The following AMOTL1 variants were observed in gnomAD, a reference collection of about 807,000 sequenced individuals.
AMOTL1 encodes the protein angiomotin like 1.
A neutral mutation model predicts 102.9 loss-of-function variants in AMOTL1; 45 were observed. The ratio of observed to expected loss-of-function variants is 0.44; its 90% CI spans 0.34 to 0.56. The LOEUF is 0.56. Ranked by LOEUF, AMOTL1 falls within the 20% of genes least tolerant of loss-of-function variation. The pLI is 0.01. For synonymous variants in AMOTL1, 481 were observed against 484.7 expected, an observed-to-expected ratio of 0.99 and a Z score of 0.10; for missense variants, 1,114 against 1,225.6, an observed-to-expected ratio of 0.91 and a Z score of 1.36.
intron 1 of AMOTL1, among the ~76,000 whole-genome samples, chr11:94,709,605 C>T (rs1949988637): frequency 6.6e-6 from 1 of 152,108 alleles, no homozygotes; most frequent in Non-Finnish European, 1.5e-5. Flanking sequence ...CCAACCAGTC[C>T]TCAGATTTTC....
At position 94,861,328 on chromosome 11, in the gene AMOTL1, G is replaced by GT. The variant is rs199614155; in HGVS notation, c.2135+1622dup. ...GGTTGATTTTTACATAATTGAAATGGTTTTTTTTTCAGCTTTTTGTTTTCT... is the reference window on the plus strand; with the variant it reads ...GGTTGATTTTTACATAATTGAAATGGTTTTTTTTTTCAGCTTTTTGTTTTCT... On this transcript the variant is annotated intron_variant, in intron 9 of 12. Coordinates refer to ENST00000433060, the MANE Select transcript of AMOTL1 (RefSeq NM_130847.3). Among the ~76,000 whole-genome samples, 422 of 150,842 alleles carry GT rather than the reference G, an allele frequency of 2.8e-3. 4 individuals are homozygous for GT. Among genetic ancestry groups the GT allele is most frequent in the African/African-American group, 7.1e-3 (290 of 41,036 alleles).
intron 8 of AMOTL1, among the ~76,000 whole-genome samples, chr11:94,858,975 C>T (rs1303527055): frequency 6.6e-6 from 1 of 152,146 alleles, no homozygotes; most frequent in Non-Finnish European, 1.5e-5. Flanking sequence ...ATTCTCAGGC[C>T]TCTGAGTGGG....
At chr11:94,754,299 G>A (rs1056335896) in intron 3 of AMOTL1, among the ~76,000 whole-genome samples, 3 of 152,148 alleles carry the variant, frequency 2.0e-5, no homozygotes, top group Non-Finnish European at 4.4e-5. Flanking sequence ...TGACCCGAAC[G>A]GCATCATGTA....
intron 2 of AMOTL1, chr11:94,740,091 T>C (rs779238847): frequency 1.6e-4 from 24 of 152,198 alleles, no homozygotes; most frequent in Admixed American, 1.5e-3. Flanking sequence ...ACCTGTGCAA[T>C]GCAGCTCATA....
At chr11:94,767,505 C>T (rs1391765340), upstream of AMOTL1, among the ~76,000 whole-genome samples, 3 of 152,048 alleles carry the variant, frequency 2.0e-5, no homozygotes, top group Non-Finnish European at 4.4e-5. Context: ...GCTTGGTGTG[C>T]GCTAACTCTC....
chr11:94,775,818 T>C (rs993930382), intron 1 of AMOTL1, among the ~76,000 whole-genome samples: 9 of 152,338 alleles, frequency 5.9e-5, no homozygotes, highest in Middle Eastern at 3.4e-3. Context: ...CTTGGAGGGC[T>C]GGTATGAACT....
chr11:94,722,312 T>G (rs1950186520), intron 1 of AMOTL1, among the ~76,000 whole-genome samples: 1 of 152,180 alleles, frequency 6.6e-6, no homozygotes, highest in African/African-American at 2.4e-5. Flanking sequence ...CACATTTTAT[T>G]CTGTTTCTCC....
chr11:94,720,278 T>C (rs903036755), intron 1 of AMOTL1, among the ~76,000 whole-genome samples: 1 of 152,016 alleles, frequency 6.6e-6, no homozygotes, highest in African/African-American at 2.4e-5. Flanking sequence ...TCCCTCAGCA[T>C]ATAAAGGATT....
At chr11:94,862,407 C>T (rs550545089) in intron 9 of AMOTL1, among the ~76,000 whole-genome samples, 32 of 152,248 alleles carry the variant, frequency 2.1e-4, no homozygotes, top group Admixed American at 1.9e-3. Context: ...ATGACTATTT[C>T]CAGCCATTAG....
rs1027323899 is a variant in AMOTL1 at position 94,735,457 on chromosome 11, G to A, written c.86-5481G>A. On this transcript the variant is annotated intron_variant, in intron 2 of 4. Coordinates refer to the AMOTL1 transcript ENST00000299004. ...ATTGAGTTTTCCAGATAACTGAAGC[G>A]TTATGTGTTACCCTTTAAACACTTA... 1.3e-5 allele frequency among the ~76,000 whole-genome samples: 2 copies of A among 152,170 alleles called. 1 individual carries two copies. Among genetic ancestry groups the A allele is most frequent in the Non-Finnish European group, 2.9e-5 (2 of 68,030 alleles).
intron 3 of AMOTL1, among the ~76,000 whole-genome samples, chr11:94,814,111 A>G (rs1951726929): frequency 6.6e-6 from 1 of 152,156 alleles, no homozygotes; most frequent in African/African-American, 2.4e-5. Context: ...GAAGTCACTT[A>G]TGGTCAATGG....
Position 94,795,116 on chromosome 11 carries a change from C to G in AMOTL1, c.155C>G (p.Ser52Cys). The G allele has an allele frequency of 6.2e-7, 1 of 1,613,954 alleles. No individual in the cohort carries two copies. Among genetic ancestry groups the G allele is most frequent in the Non-Finnish European group, 8.5e-7 (1 of 1,179,870 alleles). ...CTCTATTCTGGGAGGCATGAAACAT[C>G]TGCTTTGACGGTGGAGGCAACCAGT... ...FQLYSGRHET[S>C]ALTVEATSSI... is the part of the protein sequence containing the mutation. Residue 52 changes from serine to cysteine, a missense_variant, in exon 2 of 13, where the codon TCT becomes TGT. Physicochemically the swap from Ser to Cys is moderately radical, Grantham distance 112. Coordinates refer to ENST00000433060, the MANE Select transcript of AMOTL1 (RefSeq NM_130847.3).
intron 11 of AMOTL1, 45 bp from the exon 12 acceptor site, chr11:94,869,153 A>C (rs1334565961): frequency 6.6e-7 from 1 of 1,514,566 alleles, no homozygotes; most frequent in Non-Finnish European, 8.8e-7. Context: ...TTAAAAAAAA[A>C]AAAAGGAAAA....
chr11:94,757,960 G>T (rs1490809172), intron 3 of AMOTL1, among the ~76,000 whole-genome samples: 1 of 152,170 alleles, frequency 6.6e-6, no homozygotes, highest in Non-Finnish European at 1.5e-5. Context: ...TACTTGGAAG[G>T]ATAAGACAGG....
At chr11:94,832,932 G>A (rs534878421) in intron 6 of AMOTL1, among the ~76,000 whole-genome samples, 2 of 152,348 alleles carry the variant, frequency 1.3e-5, no homozygotes, top group African/African-American at 4.8e-5. Context: ...CACCTGATGG[G>A]CATTGTTCTG....
chr11:94,812,143 C>G (rs1300927797), intron 3 of AMOTL1, among the ~76,000 whole-genome samples: 1 of 152,194 alleles, frequency 6.6e-6, no homozygotes, highest in Non-Finnish European at 1.5e-5. Context: ...TAAGCTGCTA[C>G]GAAGCACCCA....
chr11:94,794,949 T>A, intron 1 of AMOTL1, 62 bp from the exon 2 acceptor site: 1 of 1,502,432 alleles, frequency 6.7e-7, no homozygotes, highest in Non-Finnish European at 8.9e-7. Context: ...TTCTTGTGAG[T>A]CACACAGGAA....
intron 4 of AMOTL1, among the ~76,000 whole-genome samples, chr11:94,828,290 G>A (rs1350616584): frequency 6.6e-6 from 1 of 152,100 alleles, no homozygotes. Context: ...TAGTGTCTTT[G>A]GAATTTGCCC....
intron 3 of AMOTL1, among the ~76,000 whole-genome samples, chr11:94,813,446 G>A (rs1478215893): frequency 6.6e-6 from 1 of 152,142 alleles, no homozygotes; most frequent in Non-Finnish European, 1.5e-5. Flanking sequence ...CGTTCCCCAG[G>A]CAAGGTAAAG....
Sources: allele counts gnomAD v4.1 joint callset (sites outside exome capture counted in the v4.1 genomes callset), GRCh38; gene constraint gnomAD v4.1.1; transcripts MANE v1.5; gene names NCBI Gene and HGNC (gene_info 2026-07-23, HGNC 2026-07-21).